The following DDX41 variants were observed in gnomAD, a reference collection of about 807,000 sequenced individuals.
DDX41 encodes the protein DEAD-box helicase 41.
In DDX41, 50 loss-of-function variants were observed where a neutral mutation model predicts 78.8. That is an observed-to-expected ratio of 0.63 (90% CI 0.51 to 0.80). The LOEUF (loss-of-function observed/expected upper bound fraction) is 0.80. Among genes scored for constraint, DDX41 ranks in the 30% least tolerant of loss-of-function variants. DDX41 has a pLI of 0.00. For synonymous variants in DDX41, 381 were observed against 321.5 expected, an observed-to-expected ratio of 1.19 and a Z score of -1.98; for missense variants, 633 against 849.2, an observed-to-expected ratio of 0.75 and a Z score of 3.16.
In DDX41 at chr5:177,513,500, G is replaced by A; in HGVS notation, c.1099-16C>T. 2 of 1,614,062 alleles carry A rather than the reference G, an allele frequency of 1.2e-6. No individual in the cohort carries two copies. The highest frequency in any genetic ancestry group is 1.7e-6 in the Non-Finnish European group (2 of 1,180,030). On this transcript the variant is annotated splice_polypyrimidine_tract_variant and intron_variant, in intron 10 of 16. Transcript: ENST00000330503. The surrounding 1 kb of genome is among the most constrained non-coding windows in gnomAD (Gnocchi z 4.6). ...GTCGCTGGCCCTGAGGAAGAGGGGG[G>A]CTGCGACCAAGGGCACACAGGGCTG...
At position 177,516,866 on chromosome 5, in the gene DDX41, G is replaced by C. The variant is rs528826998; in HGVS notation, c.28-31C>G. On this transcript the variant is annotated intron_variant, in intron 1 of 16. Coordinates refer to ENST00000330503, the MANE Select transcript of DDX41 (RefSeq NM_016222.4). Reference sequence around the variant, plus strand: ...AGCACACGCCAGTCAGGCACGGCCTGCTCCCCTCTTCACGCCCGCTCCCAC... The same window carrying C: ...AGCACACGCCAGTCAGGCACGGCCTCCTCCCCTCTTCACGCCCGCTCCCAC... 3.1e-6 allele frequency: 5 copies of C among 1,613,102 alleles called. No homozygotes were observed. The Admixed American group carries it at 8.3e-5, about 27-fold the overall frequency.
Position 177,511,597 on chromosome 5 carries a change from T to C in DDX41, c.*194A>G, listed in dbSNP as rs750795230. ...AGGGCTGGGCTAGAGGTTTGGGCTTTAATGGCAGCTGGGGTAAAAGGAAAC... is the reference window on the plus strand; with the variant it reads ...AGGGCTGGGCTAGAGGTTTGGGCTTCAATGGCAGCTGGGGTAAAAGGAAAC... On this transcript the variant is annotated 3_prime_UTR_variant, in exon 17 of 17. Transcript: ENST00000330503. The C allele has an allele frequency of 6.7e-5, 50 of 748,966 alleles. No individual in the cohort carries two copies. The highest frequency in any genetic ancestry group is 1.0e-4 in the Non-Finnish European group (49 of 472,840). The allele number at this position is 748,966 out of a possible 1,614,324, so 46.4% of individuals were successfully genotyped here. A position where few individuals can be genotyped will look rare whatever the true frequency, so the allele number is the denominator to read the frequency against.
Position 177,516,765 on chromosome 5 carries a change from T to A in DDX41, c.98A>T (p.Tyr33Phe), listed in dbSNP as rs762082953. The change falls in exon 2 of 17, where the codon TAC (tyrosine) becomes TTC (phenylalanine). Residue 33 changes from tyrosine (Y) to phenylalanine (F), a missense_variant. Physicochemically the swap from Tyr to Phe is conservative, Grantham distance 22. Around this residue, in one of 6 missense-constraint regions of DDX41, gnomAD observed 140 missense variants for 115.2 expected, o/e 1.22. Transcript: ENST00000330503. Reference protein sequence around the residue: ...SEAEDEDDEDYVPYVPLRQRR... With the variant: ...SEAEDEDDEDFVPYVPLRQRR... ...CTGCCGTAACGGCACATAGGGCACG[T>A]AGTCCTCGTCGTCCTCATCTTCCGC... The A allele has an allele frequency of 1.2e-6, 2 of 1,611,716 alleles. No homozygotes were observed. The highest frequency in any genetic ancestry group is 1.7e-6 in the Non-Finnish European group (2 of 1,179,404).
intron 2 of DDX41, 100 bp from the exon 3 acceptor site, chr5:177,516,547 C>T (rs1761242707): frequency 5.4e-6 from 8 of 1,491,100 alleles, no homozygotes; most frequent in Non-Finnish European, 7.4e-6. Flanking sequence ...GCCCGAGGCG[C>T]AAAGCTGCCC....
chr5:177,515,225 T>C lies in DDX41; in HGVS notation c.605A>G (p.His202Arg). 6.2e-7 allele frequency: 1 copy of C among 1,613,908 alleles called. No homozygotes were observed. Among genetic ancestry groups the C allele is most frequent in the Non-Finnish European group, 8.5e-7 (1 of 1,179,990 alleles). Residue 202 changes from histidine (H) to arginine (R), a missense_variant, in exon 7 of 17, where the codon CAC becomes CGC. Around this residue, in one of 6 missense-constraint regions of DDX41, gnomAD observed 126 missense variants for 115.5 expected, o/e 1.09. Transcript: ENST00000330503. Reference sequence around the variant, plus strand: ...CTGGATCTGAATGGGTGTTGGGTGGTGAATGCCTTTCTTCTTCAGGCCTCT... The same window carrying C: ...CTGGATCTGAATGGGTGTTGGGTGGCGAATGCCTTTCTTCTTCAGGCCTCT... Reference protein sequence around the residue: ...ILRGLKKKGIHHPTPIQIQGI... With the variant: ...ILRGLKKKGIRHPTPIQIQGI...
chr5:177,512,007 C>T, intron 16 of DDX41, 80 bp from the exon 17 acceptor site: 1 of 1,606,368 alleles, frequency 6.2e-7, no homozygotes, highest in Non-Finnish European at 8.5e-7. Flanking sequence ...GTTAGGCACC[C>T]TCGGTCCACC....
chr5:177,516,616 T>C, intron 2 of DDX41, 109 bp downstream of exon 2: 1 of 1,383,558 alleles, frequency 7.2e-7, no homozygotes. Flanking sequence ...CCTGGTGTAC[T>C]GAAGCTCACT....
rs760167925 is a variant in DDX41 at position 177,516,905 on chromosome 5, C to A, written c.27+14G>T. ...GCCCGCTCCCACACGCGCGGGGTCT[C>A]GCCTCTCTCCTACCTTCCGTTCGGG... On this transcript the variant is annotated intron_variant, in intron 1 of 16. Transcript: ENST00000330503. 9 of 1,613,212 alleles carry A rather than the reference C, an allele frequency of 5.6e-6. No homozygotes were observed. Among genetic ancestry groups the A allele is most frequent in the Non-Finnish European group, 7.6e-6 (9 of 1,180,020 alleles).
In DDX41 at chr5:177,513,688, G is replaced by C; in HGVS notation, c.1095C>G (p.Phe365Leu). 3 of 1,613,356 alleles carry C rather than the reference G, an allele frequency of 1.9e-6. No individual in the cohort carries two copies. The highest frequency in any genetic ancestry group is 2.5e-6 in the Non-Finnish European group (3 of 1,179,994). ...CCTGGCCGGGCGGGGGCGGCACCTT[G>C]AAGTAGGAGAAGATGGTACGGATGT... ...EGDIRTIFSY[F>L]KGQRQTLLFS... is the part of the protein sequence containing the mutation. The change falls in exon 10 of 17, where the codon TTC becomes TTG. Residue 365 changes from phenylalanine (F) to leucine (L), a missense_variant. Transcript: ENST00000330503. This position sits in a 1 kb window ranked among gnomAD's most constrained non-coding sequence, Gnocchi z 4.6.
At position 177,513,794 on chromosome 5, in the gene DDX41, T is replaced by C; in HGVS notation, c.989A>G (p.Lys330Arg). ...TPGRLMDLLQ[K>R]KMVSLDICRY... ...ACAGATGTCTAGGCTGACCATCTTC[T>C]TCTGCAGCAAATCCATGAGGCGCCC... The change falls in exon 10 of 17, where the codon AAG becomes AGG. Residue 330 changes from lysine to arginine, a missense_variant. This residue lies in a region of DDX41 where 151 missense variants were observed against 169.2 expected (regional missense o/e 0.89). Transcript: ENST00000330503. This position sits in a 1 kb window ranked among gnomAD's most constrained non-coding sequence, Gnocchi z 4.6. The C allele has an allele frequency of 1.2e-6, 2 of 1,613,820 alleles. No individual in the cohort carries two copies. Among genetic ancestry groups the C allele is most frequent in the Non-Finnish European group, 1.7e-6 (2 of 1,179,996 alleles).
chr5:177,516,883 C>A (rs571185077), intron 1 of DDX41, 36 bp downstream of exon 1: 5 of 1,613,210 alleles, frequency 3.1e-6, no homozygotes, highest in East Asian at 4.5e-5. Context: ...TCTTCACGCC[C>A]GCTCCCACAC....
chr5:177,511,600 TG>T lies in DDX41; in HGVS notation c.*190del. ...GCTGGGCTAGAGGTTTGGGCTTTAA[TG>T]GCAGCTGGGGTAAAAGGAAACAAAA... On this transcript the variant is annotated 3_prime_UTR_variant, in exon 17 of 17. Coordinates refer to ENST00000330503, the MANE Select transcript of DDX41 (RefSeq NM_016222.4). The T allele has an allele frequency of 1.3e-6, 1 of 763,876 alleles. No individual in the cohort carries two copies. Among genetic ancestry groups the T allele is most frequent in the Non-Finnish European group, 2.1e-6 (1 of 485,362 alleles). 47.3% of individuals were successfully genotyped at this position (763,876 alleles called of 1,614,324 possible). A position where few individuals can be genotyped will look rare whatever the true frequency, so the allele number is the denominator to read the frequency against.
At position 177,512,154 on chromosome 5, in the gene DDX41, C is replaced by T; in HGVS notation, c.1674G>A (p.Lys558=). ...LKALLLEAKQ[K]VPPVLQVLHC... ...GCAGCACCTGCAGCACGGGCGGCACCTTCTGCTTGGCTTCTAGCAGCAGCG... is the reference window on the plus strand; with the variant it reads ...GCAGCACCTGCAGCACGGGCGGCACTTTCTGCTTGGCTTCTAGCAGCAGCG... The change falls in exon 16 of 17, where the codon AAG becomes AAA. Residue 558 remains lysine (K), a synonymous_variant. Transcript: ENST00000330503. 6.2e-7 allele frequency: 1 copy of T among 1,613,590 alleles called. No homozygotes were observed. The highest frequency in any genetic ancestry group is 1.1e-5 in the South Asian group (1 of 91,082).
At position 177,513,623 on chromosome 5, in the gene DDX41, C is replaced by T. The variant is rs879842385; in HGVS notation, c.1098+62G>A. The T allele has an allele frequency of 3.7e-6, 6 of 1,606,008 alleles. No homozygotes were observed. Among genetic ancestry groups the T allele is most frequent in the Non-Finnish European group, 5.1e-6 (6 of 1,174,718 alleles). ...GGTGGCCAGGGGCATGGGGTCCCTG[C>T]AGTCTGATGTGGCGTGCAGTGGGGG... On this transcript the variant is annotated intron_variant, in intron 10 of 16. Coordinates refer to ENST00000330503, the MANE Select transcript of DDX41 (RefSeq NM_016222.4). The surrounding 1 kb of genome is among the most constrained non-coding windows in gnomAD (Gnocchi z 4.6).
In DDX41 at chr5:177,514,207, G is replaced by C; in HGVS notation, c.936-360C>G. 2.0e-6 allele frequency: 1 copy of C among 501,038 alleles called. No individual in the cohort carries two copies. The highest frequency in any genetic ancestry group is 2.9e-4 in the Middle Eastern group (1 of 3,398). The allele number at this position is 501,038 out of a possible 1,614,324, so 31.0% of individuals were successfully genotyped here. On this transcript the variant is annotated intron_variant, in intron 9 of 16. Coordinates refer to ENST00000330503, the MANE Select transcript of DDX41 (RefSeq NM_016222.4). The surrounding 1 kb of genome is among the most constrained non-coding windows in gnomAD (Gnocchi z 4.2). ...AATACTCAGAAGTCCGTGGAGGAAGGCCTCCGGGATGGGGTCTGGCCCATC... is the reference window on the plus strand; with the variant it reads ...AATACTCAGAAGTCCGTGGAGGAAGCCCTCCGGGATGGGGTCTGGCCCATC...
chr5:177,516,444 G>A lies in DDX41; in HGVS notation c.142C>T (p.Gln48Ter), dbSNP rs377745714. The change falls in exon 3 of 17, where the codon CAG (glutamine) becomes TAG (stop). Residue 48 changes from glutamine (Q) to a stop codon, truncating the protein, a stop_gained. Transcript: ENST00000330503. LOFTEE classifies it high-confidence loss of function. ...PLRQRRQLLL[Q>*]KLLQRRRKGA... Reference sequence around the variant, plus strand: ...TTGCGTCTTCGCTGCAGCAGCTTCTGGAGCTGAGGTTCCACCCGGGATCCA... The same window carrying A: ...TTGCGTCTTCGCTGCAGCAGCTTCTAGAGCTGAGGTTCCACCCGGGATCCA... 9.3e-6 allele frequency: 15 copies of A among 1,613,354 alleles called. No homozygotes were observed. The African/African-American group carries it at 1.3e-4, about 14-fold the overall frequency.
Position 177,513,819 on chromosome 5 carries a change from C to T in DDX41, c.964G>A (p.Gly322Arg). The change falls in exon 10 of 17, where the codon GGG becomes AGG. Residue 322 changes from glycine to arginine, a missense_variant. Gly to Arg is a moderately radical substitution (Grantham distance 125). Coordinates refer to ENST00000330503, the MANE Select transcript of DDX41 (RefSeq NM_016222.4). The surrounding 1 kb of genome is among the most constrained non-coding windows in gnomAD (Gnocchi z 4.6). ...HGVHMMVATP[G>R]RLMDLLQKKM... is the part of the protein sequence containing the mutation. ...TTCTGCAGCAAATCCATGAGGCGCCCCGGGGTGGCCACCATCATGTGTACA... is the reference window on the plus strand; with the variant it reads ...TTCTGCAGCAAATCCATGAGGCGCCTCGGGGTGGCCACCATCATGTGTACA... 1.2e-6 allele frequency: 2 copies of T among 1,613,668 alleles called. No individual in the cohort carries two copies. Among genetic ancestry groups the T allele is most frequent in the Non-Finnish European group, 1.7e-6 (2 of 1,180,002 alleles).
chr5:177,515,148 CCCT>C (rs1242856347), intron 7 of DDX41, 35 bp downstream of exon 7: 5 of 1,613,806 alleles, frequency 3.1e-6, no homozygotes, highest in African/African-American at 1.3e-5. Context: ...CCTGTTCCAG[CCCT>C]CCTCAAGGAC....
Position 177,512,144 on chromosome 5 carries a change from C to T in DDX41, c.1684G>A (p.Val562Met), listed in dbSNP as rs746326361. The T allele has an allele frequency of 1.2e-5, 20 of 1,613,406 alleles. No homozygotes were observed. The highest frequency in any genetic ancestry group is 2.7e-5 in the African/African-American group (2 of 74,904). The change falls in exon 16 of 17, where the codon GTG (valine) becomes ATG (methionine). Residue 562 changes from valine (V) to methionine (M), a missense_variant. Coordinates refer to ENST00000330503, the MANE Select transcript of DDX41 (RefSeq NM_016222.4). Reference sequence around the variant, plus strand: ...TCCCCGCAATGCAGCACCTGCAGCACGGGCGGCACCTTCTGCTTGGCTTCT... The same window carrying T: ...TCCCCGCAATGCAGCACCTGCAGCATGGGCGGCACCTTCTGCTTGGCTTCT... ...LLEAKQKVPPVLQVLHCGDES... is the reference protein window; with the variant it reads ...LLEAKQKVPPMLQVLHCGDES...
Sources: gnomAD v4.1 joint callset for allele counts on GRCh38, gnomAD v4.1.1 for gene constraint, gnomAD v4.1.1 regional missense constraint, Gnocchi (gnomAD v3.1) non-coding constraint, MANE v1.5 for transcripts, NCBI Gene and HGNC (gene_info 2026-07-23, HGNC 2026-07-21) for gene names.